The following ULK4 variants were observed in gnomAD, a reference collection of about 807,000 sequenced individuals.
The protein encoded by ULK4 is unc-51 like kinase 4.
A neutral mutation model predicts 160.6 loss-of-function variants in ULK4; 133 were observed. That is an observed-to-expected ratio of 0.83 (90% confidence interval 0.72 to 0.96). The LOEUF (loss-of-function observed/expected upper bound fraction) is 0.96, where lower values mean the gene tolerates loss of function less well. Among genes scored for constraint, ULK4 ranks in the 40% least tolerant of loss-of-function variants. ULK4 has a pLI of 0.00. For synonymous variants in ULK4, 534 were observed against 539.8 expected, an observed-to-expected ratio of 0.99 and a Z score of 0.15; for missense variants, 1,580 against 1,499.5, an observed-to-expected ratio of 1.05 and a Z score of -0.89.
At chr3:41,782,978 G>A in intron 21 of ULK4, among the ~76,000 whole-genome samples, 1 of 149,356 alleles carries the variant, frequency 6.7e-6, no homozygotes, top group South Asian at 2.1e-4. Flanking sequence ...CACTGAATAG[G>A]AGAAATATGA....
intron 32 of ULK4, among the ~76,000 whole-genome samples, chr3:41,475,753 G>C (rs1401671046): frequency 6.6e-6 from 1 of 152,148 alleles, no homozygotes; most frequent in Non-Finnish European, 1.5e-5. Context: ...ACTGTGGACT[G>C]AAGTCAGACT....
At chr3:41,547,980 T>C (rs1201557382) in intron 32 of ULK4, among the ~76,000 whole-genome samples, 1 of 152,124 alleles carries the variant, frequency 6.6e-6, no homozygotes, top group Non-Finnish European at 1.5e-5. Context: ...AGCAACCCTG[T>C]ACTCACCCCT....
chr3:41,732,803 A>C lies in ULK4; in HGVS notation c.2322-14942T>G, dbSNP rs574750379. Reference sequence around the variant, plus strand: ...ATAATATTCAACCATAAAAAGAATGAAATCTTGTCATTTGCAATAACATGA... The same window carrying C: ...ATAATATTCAACCATAAAAAGAATGCAATCTTGTCATTTGCAATAACATGA... On this transcript the variant is annotated intron_variant, in intron 22 of 36. Transcript: ENST00000301831. Among the ~76,000 whole-genome samples the C allele has an allele frequency of 8.9e-4, 136 of 152,354 alleles. 1 individual carries two copies. The highest frequency in any genetic ancestry group is 2.8e-3 in the African/African-American group (115 of 41,598).
At chr3:41,804,400 A>G (rs2040570346) in intron 19 of ULK4, among the ~76,000 whole-genome samples, 3 of 152,000 alleles carry the variant, frequency 2.0e-5, no homozygotes, top group Non-Finnish European at 4.4e-5. Context: ...TCGGATGAGT[A>G]GGTTGCAAAA....
intron 29 of ULK4, among the ~76,000 whole-genome samples, chr3:41,669,543 C>T (rs1575550695): frequency 6.6e-6 from 1 of 152,296 alleles, no homozygotes; most frequent in East Asian, 1.9e-4. Flanking sequence ...CAGGAGTGAG[C>T]CACTGTGCCT....
chr3:41,340,565 T>C (rs901293437), intron 35 of ULK4, among the ~76,000 whole-genome samples: 2 of 152,242 alleles, frequency 1.3e-5, no homozygotes, highest in Admixed American at 6.5e-5. Flanking sequence ...TAGTCACATG[T>C]AGCTATTTAA....
At chr3:41,844,241 C>T (rs560139642) in intron 17 of ULK4, among the ~76,000 whole-genome samples, 2 of 152,200 alleles carry the variant, frequency 1.3e-5, no homozygotes, top group African/African-American at 4.8e-5. Flanking sequence ...TGGGGAGACT[C>T]GGGCTGCACA....
intron 31 of ULK4, among the ~76,000 whole-genome samples, chr3:41,569,549 T>C (rs1326466076): frequency 6.6e-6 from 1 of 152,200 alleles, no homozygotes; most frequent in Non-Finnish European, 1.5e-5. Flanking sequence ...CTACAACATC[T>C]TGACCCAATT....
At chr3:41,816,079 T>C (rs1265697469) in intron 19 of ULK4, among the ~76,000 whole-genome samples, 2 of 152,026 alleles carry the variant, frequency 1.3e-5, no homozygotes. Context: ...AGCAAGATTG[T>C]ATGTGTATAC....
intron 16 of ULK4, among the ~76,000 whole-genome samples, chr3:41,895,254 T>A (rs1307468108): frequency 6.6e-6 from 1 of 151,834 alleles, no homozygotes; most frequent in Non-Finnish European, 1.5e-5. Context: ...TCTAAGAAAA[T>A]AAAAAAACAA....
At chr3:41,362,663 T>C (rs772051980) in intron 35 of ULK4, among the ~76,000 whole-genome samples, 22 of 152,208 alleles carry the variant, frequency 1.4e-4, no homozygotes, top group Non-Finnish European at 2.8e-4. Flanking sequence ...ATTATCCACA[T>C]CAATGACTCA....
chr3:41,899,155 G>T (rs1698268025), intron 13 of ULK4: 2 of 151,110 alleles, frequency 1.3e-5, no homozygotes, highest in South Asian at 4.2e-4. Flanking sequence ...GCATGAATTG[G>T]AAAGTGCACA....
chr3:41,564,418 C>T (rs1434764067), intron 32 of ULK4, among the ~76,000 whole-genome samples: 1 of 149,334 alleles, frequency 6.7e-6, no homozygotes, highest in Non-Finnish European at 1.5e-5. Flanking sequence ...CTCTTCACAG[C>T]TGTCAGACAG....
intron 5 of ULK4, among the ~76,000 whole-genome samples, chr3:41,925,446 G>A (rs920733381): frequency 1.3e-5 from 2 of 152,194 alleles, no homozygotes; most frequent in African/African-American, 4.8e-5. Context: ...CGCCACCAGG[G>A]CACTGGGTTT....
At chr3:41,921,244 G>A (rs1306537169) in intron 5 of ULK4, among the ~76,000 whole-genome samples, 5 of 152,052 alleles carry the variant, frequency 3.3e-5, no homozygotes, top group East Asian at 1.9e-4. Flanking sequence ...CCTAGTAGGC[G>A]AAGGCTGCAG....
At chr3:41,744,329 ATAG>A (rs1001777512) in intron 22 of ULK4, among the ~76,000 whole-genome samples, 9 of 152,004 alleles carry the variant, frequency 5.9e-5, no homozygotes, top group Admixed American at 4.6e-4. Context: ...ATGCAATGAT[ATAG>A]ATAAGTTTAA....
intron 17 of ULK4, among the ~76,000 whole-genome samples, chr3:41,873,223 TC>T (rs1402086589): frequency 6.9e-5 from 8 of 116,302 alleles, no homozygotes; most frequent in African/African-American, 2.8e-4. Flanking sequence ...GAGTTGCCTT[TC>T]TTTTTTTTTT....
At chr3:41,506,767 A>AAAAAAAAAAAT in intron 32 of ULK4, among the ~76,000 whole-genome samples, 1 of 56,794 alleles carries the variant, frequency 1.8e-5, no homozygotes. Flanking sequence ...TGTGATTTAA[A>AAAAAAAAAAAT]ATATATATAT....
At chr3:41,299,788 T>C (rs1166218890) in intron 35 of ULK4, among the ~76,000 whole-genome samples, 1 of 152,228 alleles carries the variant, frequency 6.6e-6, no homozygotes, top group Non-Finnish European at 1.5e-5. Context: ...GTATTTATTA[T>C]AATAATCACT....
Sources: allele counts gnomAD v4.1 joint callset (sites outside exome capture counted in the v4.1 genomes callset), GRCh38; gene constraint gnomAD v4.1.1; transcripts MANE v1.5; gene names NCBI Gene and HGNC (gene_info 2026-07-23, HGNC 2026-07-21).